MBOAT2: variants seen among roughly 807,000 people sequenced by gnomAD.
The protein encoded by MBOAT2 is membrane bound glycerophospholipid O-acyltransferase 2.
Under a neutral mutation model 63.4 loss-of-function variants are expected in MBOAT2, and 28 were observed. The observed-to-expected ratio is 0.44, with a 90% CI of 0.33 to 0.61. MBOAT2 has a LOEUF of 0.61. Ranked by LOEUF, MBOAT2 falls within the 20% of genes least tolerant of loss-of-function variation. The probability of loss-of-function intolerance (pLI) is 0.03; values close to 1 mark genes in which losing one functional copy is unlikely to be tolerated. For missense variants in MBOAT2, 470 were observed against 605.8 expected (o/e 0.78, Z 2.35); for synonymous variants, 211 against 215.6 (o/e 0.98, Z 0.19).
intron 11 of MBOAT2, 105 bp from the exon 12 acceptor site, chr2:8,860,869 G>A: frequency 2.2e-6 from 2 of 916,260 alleles, no homozygotes; most frequent in Non-Finnish European, 1.6e-6. Flanking sequence ...TAGAGTAACT[G>A]AAACTCTCCT....
intron 11 of MBOAT2, 171 bp from the exon 12 acceptor site, chr2:8,860,935 C>T (rs868119277): frequency 2.6e-5 from 14 of 529,310 alleles, no homozygotes; most frequent in Middle Eastern, 1.0e-3. Context: ...TCTAAAAAAG[C>T]GAATACACAT....
At chr2:8,972,160 C>T (rs891797042) in intron 1 of MBOAT2, among the ~76,000 whole-genome samples, 2 of 152,052 alleles carry the variant, frequency 1.3e-5, no homozygotes, top group African/African-American at 2.4e-5. Flanking sequence ...GTACTGGTAC[C>T]AAAACAGAGA....
At chr2:8,926,497 G>T (rs1479278377) in intron 3 of MBOAT2, among the ~76,000 whole-genome samples, 2 of 152,200 alleles carry the variant, frequency 1.3e-5, no homozygotes, top group African/African-American at 4.8e-5. Context: ...CAGAATTCAT[G>T]TTGGGGGCAG....
In MBOAT2 at chr2:8,862,233, G is replaced by A; in HGVS notation, c.1185+357C>T. ...TCTTCATCTGAGAGAGGACTCAAAGGTTACAGCTTTCAGGAAACATTTCTA... is the reference window on the plus strand; with the variant it reads ...TCTTCATCTGAGAGAGGACTCAAAGATTACAGCTTTCAGGAAACATTTCTA... On this transcript the variant is annotated intron_variant, in intron 11 of 12. Coordinates refer to ENST00000305997, the MANE Select transcript of MBOAT2 (RefSeq NM_138799.4). This position sits in a 1 kb window ranked among gnomAD's most constrained non-coding sequence, Gnocchi z 4.3. 4 of 1,208,982 alleles carry A rather than the reference G, an allele frequency of 3.3e-6. No homozygotes were observed. Among genetic ancestry groups the A allele is most frequent in the Non-Finnish European group, 4.3e-6 (4 of 931,226 alleles). The allele number at this position is 1,208,982 out of a possible 1,614,324, so 74.9% of individuals were successfully genotyped here. A position where few individuals can be genotyped will look rare whatever the true frequency, so the allele number is the denominator to read the frequency against.
intron 6 of MBOAT2, among the ~76,000 whole-genome samples, chr2:8,881,544 G>A (rs928554144): frequency 4.6e-5 from 7 of 152,110 alleles, no homozygotes; most frequent in African/African-American, 9.7e-5. Context: ...CCAGGTCTGG[G>A]GATTTGCTCT....
chr2:8,956,884 G>T (rs562939861), intron 2 of MBOAT2, among the ~76,000 whole-genome samples: 1 of 152,150 alleles, frequency 6.6e-6, no homozygotes, highest in South Asian at 2.1e-4. Context: ...ATCTTTGGCA[G>T]TACCTCCATG....
intron 6 of MBOAT2, among the ~76,000 whole-genome samples, chr2:8,878,641 C>T (rs1455483944): frequency 1.3e-5 from 2 of 152,216 alleles, no homozygotes; most frequent in Admixed American, 1.3e-4. Context: ...ACCACCTTGC[C>T]TAGCTTAGCA....
chr2:8,930,628 A>C (rs1258084822), intron 3 of MBOAT2, among the ~76,000 whole-genome samples: 1 of 149,636 alleles, frequency 6.7e-6, no homozygotes, highest in Non-Finnish European at 1.5e-5. Flanking sequence ...TGGAATTTCT[A>C]ATTCTAGATC....
intron 1 of MBOAT2, among the ~76,000 whole-genome samples, chr2:8,995,056 T>C (rs954968211): frequency 1.3e-5 from 2 of 152,118 alleles, no homozygotes; most frequent in Non-Finnish European, 2.9e-5. Context: ...GGTCGGGGGT[T>C]GAATAAGCCA....
chr2:8,984,387 A>G (rs1671408559), intron 1 of MBOAT2, among the ~76,000 whole-genome samples: 1 of 152,224 alleles, frequency 6.6e-6, no homozygotes, highest in East Asian at 1.9e-4. Context: ...GGCAAATTTC[A>G]TGTTTATTAC....
At chr2:8,944,334 C>G (rs957031965) in intron 2 of MBOAT2, among the ~76,000 whole-genome samples, 1 of 152,186 alleles carries the variant, frequency 6.6e-6, no homozygotes, top group African/African-American at 2.4e-5. Flanking sequence ...ACTCTCTCCA[C>G]TTTCTTTCCC....
chr2:8,896,571 T>C (rs1035895618), intron 4 of MBOAT2, among the ~76,000 whole-genome samples: 5 of 152,246 alleles, frequency 3.3e-5, no homozygotes, highest in African/African-American at 9.6e-5. Flanking sequence ...AAATTTACTT[T>C]AGTTGAAAAC....
At chr2:8,995,022 G>T (rs1573278987) in intron 1 of MBOAT2, among the ~76,000 whole-genome samples, 1 of 152,204 alleles carries the variant, frequency 6.6e-6, no homozygotes, top group Non-Finnish European at 1.5e-5. Flanking sequence ...GGCATGTGTG[G>T]AAAGAGTGTG....
At chr2:8,986,371 C>G (rs1196078452) in intron 1 of MBOAT2, among the ~76,000 whole-genome samples, 1 of 151,986 alleles carries the variant, frequency 6.6e-6, no homozygotes, top group Non-Finnish European at 1.5e-5. Context: ...CGAGACCAGC[C>G]TGGGCAACAT....
chr2:8,952,820 A>G (rs1668939705), intron 2 of MBOAT2, among the ~76,000 whole-genome samples: 1 of 145,166 alleles, frequency 6.9e-6, no homozygotes, highest in Non-Finnish European at 1.5e-5. Context: ...TTCCATTTGC[A>G]TGGTAGATCT....
intron 6 of MBOAT2, among the ~76,000 whole-genome samples, chr2:8,882,272 C>T (rs570585405): frequency 1.3e-5 from 2 of 152,326 alleles, no homozygotes; most frequent in East Asian, 1.9e-4. Context: ...CAGCTAACCT[C>T]GTGGCCCATA....
At chr2:8,881,031 T>C (rs1663088205) in intron 6 of MBOAT2, among the ~76,000 whole-genome samples, 1 of 152,166 alleles carries the variant, frequency 6.6e-6, no homozygotes, top group South Asian at 2.1e-4. Flanking sequence ...CATGAGCTTG[T>C]TCTGTTCAGG....
chr2:8,996,136 G>A (rs183120516), intron 1 of MBOAT2, among the ~76,000 whole-genome samples: 4 of 152,294 alleles, frequency 2.6e-5, no homozygotes, highest in African/African-American at 9.6e-5. Flanking sequence ...GCAATGGCTC[G>A]GCAGCTGGAA....
chr2:8,912,377 A>AAGAAAG (rs1558606917), intron 3 of MBOAT2, among the ~76,000 whole-genome samples: 373 of 63,878 alleles, frequency 5.8e-3, no homozygotes, highest in Middle Eastern at 0.017. Context: ...AAGAAAGAGA[A>AAGAAAG]AGAAAGAAAG....
Sources: gnomAD v4.1 joint callset for allele counts (sites outside exome capture counted in the v4.1 genomes callset) on GRCh38, gnomAD v4.1.1 for gene constraint, Gnocchi (gnomAD v3.1) non-coding constraint, MANE v1.5 for transcripts, NCBI Gene and HGNC (gene_info 2026-07-23, HGNC 2026-07-21) for gene names.